The following CCDC50 variants were observed in gnomAD, a reference collection of about 807,000 sequenced individuals.
CCDC50 encodes coiled-coil domain containing 50.
In CCDC50, 54 loss-of-function variants were observed where a neutral mutation model predicts 70.2. The observed-to-expected ratio is 0.77, with a 90% CI of 0.62 to 0.96. The LOEUF is 0.96. Among genes scored for constraint, CCDC50 ranks in the 50% least tolerant of loss-of-function variants. The pLI is 0.00. For synonymous variants in CCDC50, 216 were observed against 198.8 expected, an observed-to-expected ratio of 1.09 and a Z score of -0.73; for missense variants, 558 against 578.7, an observed-to-expected ratio of 0.96 and a Z score of 0.37.
intron 6 of CCDC50, among the ~76,000 whole-genome samples, chr3:191,377,105 A>G (rs1371433478): frequency 6.6e-6 from 1 of 152,180 alleles, no homozygotes; most frequent in Non-Finnish European, 1.5e-5. Context: ...CAATGTTACC[A>G]GGCGGATATT....
chr3:191,351,522 T>C (rs1206930632), intron 1 of CCDC50, among the ~76,000 whole-genome samples: 2 of 141,250 alleles, frequency 1.4e-5, no homozygotes, highest in African/African-American at 5.0e-5. Flanking sequence ...CCTACAGTTA[T>C]TGGTAGGGAA....
At chr3:191,381,074 G>A in intron 9 of CCDC50, 142 bp downstream of exon 9, 2 of 716,934 alleles carry the variant, frequency 2.8e-6, no homozygotes, top group Non-Finnish European at 2.3e-6. Context: ...AATCTGATCT[G>A]TGAAGATTCC....
intron 1 of CCDC50, among the ~76,000 whole-genome samples, chr3:191,346,794 A>G (rs1234418551): frequency 1.3e-5 from 2 of 152,210 alleles, no homozygotes; most frequent in Non-Finnish European, 2.9e-5. Context: ...TGAAACATTT[A>G]AAAGGAGTCC....
intron 1 of CCDC50, among the ~76,000 whole-genome samples, chr3:191,335,372 T>G (rs1711503103): frequency 6.6e-6 from 1 of 152,182 alleles, no homozygotes; most frequent in South Asian, 2.1e-4. Context: ...AACTGGTGAC[T>G]CGTTTAAAGG....
Position 191,394,549 on chromosome 3 carries a change from ATGT to A in CCDC50, c.*2793_*2795del, listed in dbSNP as rs1375355262. 1 of 152,120 alleles carries A rather than the reference ATGT, an allele frequency of 6.6e-6. No individual in the cohort carries two copies. Among genetic ancestry groups the A allele is most frequent in the Non-Finnish European group, 1.5e-5 (1 of 67,994 alleles). The allele number at this position is 152,120 out of a possible 1,614,324, so 9.4% of individuals were successfully genotyped here. ...TAGGCCCACAGTGTATTATGCTTTA[ATGT>A]TGTGATGTAAACTAATACTTCTGGC... On this transcript the variant is annotated 3_prime_UTR_variant, in exon 12 of 12. Coordinates refer to ENST00000392455, the MANE Select transcript of CCDC50 (RefSeq NM_178335.3).
intron 10 of CCDC50, among the ~76,000 whole-genome samples, chr3:191,384,429 T>C (rs1713421390): frequency 6.7e-6 from 1 of 149,752 alleles, no homozygotes; most frequent in African/African-American, 2.4e-5. Flanking sequence ...TTTTCCTCTT[T>C]CACATTTAAT....
rs144137227 is a variant in CCDC50 at position 191,377,700 on chromosome 3, A to G, written c.976+2111A>G. ...CATTTTACCTTATTCCAAGCTCAGA[A>G]TAAATTTATCTTGACTGTCAGTACT... On this transcript the variant is annotated intron_variant, in intron 6 of 11. Transcript: ENST00000392455. Among the ~76,000 whole-genome samples the G allele has an allele frequency of 2.1e-3, 314 of 152,280 alleles. 1 individual carries two copies. The highest frequency in any genetic ancestry group is 7.3e-3 in the African/African-American group (302 of 41,556).
chr3:191,391,391 T>C (rs1029583759), intron 11 of CCDC50, among the ~76,000 whole-genome samples: 1 of 152,184 alleles, frequency 6.6e-6, no homozygotes, highest in African/African-American at 2.4e-5. Flanking sequence ...AAAGGCATTA[T>C]TTTAAAAGTA....
At chr3:191,372,649 A>C (rs1332087772) in intron 5 of CCDC50, among the ~76,000 whole-genome samples, 2 of 152,132 alleles carry the variant, frequency 1.3e-5, no homozygotes, top group Non-Finnish European at 1.5e-5. Context: ...ACTTTAATAC[A>C]TTATCTATTA....
At chr3:191,355,669 CATAAG>C (rs369724323) in intron 1 of CCDC50, among the ~76,000 whole-genome samples, 70 of 152,268 alleles carry the variant, frequency 4.6e-4, no homozygotes, top group Non-Finnish European at 8.2e-4. Flanking sequence ...TTCTGTGAAA[CATAAG>C]GTAACTAGGA....
rs190412052 is a variant in CCDC50, at chr3:191,346,568, T to C, written c.50-10520T>C. Among the ~76,000 whole-genome samples the C allele has an allele frequency of 4.6e-5, 7 of 152,296 alleles. No homozygotes were observed. The East Asian group carries it at 1.3e-3, about 29-fold the overall frequency. ...CCGTATGATATGCTACATGGATGAT[T>C]ATCCATAGGGTGTATAAAAATAACA... On this transcript the variant is annotated intron_variant, in intron 1 of 11. Coordinates refer to ENST00000392455, the MANE Select transcript of CCDC50 (RefSeq NM_178335.3).
At chr3:191,387,088 T>C (rs1398704280) in intron 10 of CCDC50, among the ~76,000 whole-genome samples, 3 of 152,176 alleles carry the variant, frequency 2.0e-5, no homozygotes, top group Admixed American at 2.0e-4. Flanking sequence ...ACCCTATTAA[T>C]TGCTCACACA....
chr3:191,360,502 T>A (rs1217529340), intron 3 of CCDC50, among the ~76,000 whole-genome samples: 1 of 152,208 alleles, frequency 6.6e-6, no homozygotes, highest in Non-Finnish European at 1.5e-5. Flanking sequence ...CAGAGGCTTT[T>A]GAAAACTAAG....
chr3:191,341,521 G>T (rs1299606459), intron 1 of CCDC50, among the ~76,000 whole-genome samples: 1 of 152,108 alleles, frequency 6.6e-6, no homozygotes, highest in African/African-American at 2.4e-5. Context: ...CCAGGTTGTT[G>T]CTCTGTATAC....
At chr3:191,331,195 G>A (rs1225381209) in intron 1 of CCDC50, among the ~76,000 whole-genome samples, 1 of 152,182 alleles carries the variant, frequency 6.6e-6, no homozygotes, top group Non-Finnish European at 1.5e-5. Context: ...GCAGTGTGTA[G>A]TGCATGGTGA....
At chr3:191,341,880 C>A (rs1711744299) in intron 1 of CCDC50, among the ~76,000 whole-genome samples, 1 of 152,136 alleles carries the variant, frequency 6.6e-6, no homozygotes, top group African/African-American at 2.4e-5. Context: ...GCTGTGCGGT[C>A]ACCTTATTCT....
chr3:191,359,250 A>G (rs1712401721), intron 3 of CCDC50, among the ~76,000 whole-genome samples: 1 of 152,208 alleles, frequency 6.6e-6, no homozygotes, highest in Admixed American at 6.5e-5. Flanking sequence ...AGAAGTTTAT[A>G]GTGATGGGGA....
At chr3:191,385,558 T>C (rs190238728) in intron 10 of CCDC50, among the ~76,000 whole-genome samples, 3 of 152,356 alleles carry the variant, frequency 2.0e-5, no homozygotes, top group East Asian at 3.9e-4. Context: ...TAATCCTTTG[T>C]TGGATGCATA....
intron 10 of CCDC50, among the ~76,000 whole-genome samples, chr3:191,386,652 G>A (rs749178542): frequency 6.6e-5 from 10 of 152,250 alleles, no homozygotes; most frequent in Middle Eastern, 3.4e-3. Flanking sequence ...CAAAATCCAT[G>A]TACAAAAATC....
Sources: gnomAD v4.1 joint callset for allele counts (sites outside exome capture counted in the v4.1 genomes callset) on GRCh38, gnomAD v4.1.1 for gene constraint, MANE v1.5 for transcripts, NCBI Gene and HGNC (gene_info 2026-07-23, HGNC 2026-07-21) for gene names.